The following USP10 variants were observed in gnomAD, a reference collection of about 807,000 sequenced individuals.
The protein encoded by USP10 is ubiquitin carboxyl-terminal hydrolase 10.
USP10 carries 22 observed loss-of-function variants against 84.5 expected under a neutral mutation model. The observed-to-expected ratio is 0.26, with a 90% CI of 0.19 to 0.37. USP10 has a LOEUF of 0.37. USP10 is among the 10% of genes least tolerant of loss of function. USP10 has a pLI of 1.00. For synonymous variants in USP10, 454 were observed against 387.6 expected, an observed-to-expected ratio of 1.17 and a Z score of -2.01; for missense variants, 1,019 against 998.9, an observed-to-expected ratio of 1.02 and a Z score of -0.27.
Position 84,775,318 on chromosome 16 carries a change from C to A in USP10, c.2209+93C>A, listed in dbSNP as rs1448414239. ...GGTTTGCTGCAACTTAGCATAGCGA[C>A]CAGATGCTGTACTCAGGTATCCCTG... On this transcript the variant is annotated intron_variant, in intron 13 of 13. Coordinates refer to ENST00000219473, the MANE Select transcript of USP10 (RefSeq NM_005153.3). 2.9e-5 allele frequency: 37 copies of A among 1,265,492 alleles called. No homozygotes were observed. The East Asian group carries it at 7.7e-4, about 27-fold the overall frequency. The allele number at this position is 1,265,492 out of a possible 1,614,324, so 78.4% of individuals were successfully genotyped here. A position where few individuals can be genotyped will look rare whatever the true frequency, so the allele number is the denominator to read the frequency against.
chr16:84,714,938 T>TTA (rs1906815311), intron 1 of USP10, among the ~76,000 whole-genome samples: 1 of 149,114 alleles, frequency 6.7e-6, no homozygotes, highest in African/African-American at 2.5e-5. Flanking sequence ...TATTATTATT[T>TTA]TTTTTTTTTG....
At chr16:84,713,554 G>A (rs1030471032) in intron 1 of USP10, among the ~76,000 whole-genome samples, 2 of 152,120 alleles carry the variant, frequency 1.3e-5, no homozygotes, top group African/African-American at 4.8e-5. Flanking sequence ...TGAGGGCAGG[G>A]GTTTTTGTTT....
chr16:84,759,992 A>G (rs1358925558), intron 7 of USP10, 46 bp downstream of exon 7: 1 of 1,600,168 alleles, frequency 6.2e-7, no homozygotes, highest in African/African-American at 1.3e-5. Context: ...ATTGGGAGTT[A>G]TGGAGACAGA....
intron 8 of USP10, 113 bp downstream of exon 8, chr16:84,760,388 T>C (rs573146495): frequency 3.0e-5 from 27 of 909,190 alleles, no homozygotes; most frequent in Non-Finnish European, 3.9e-5. Context: ...TATAAGTAGA[T>C]GTAGGTTTAT....
At chr16:84,755,453 C>T (rs1432067686) in intron 4 of USP10, among the ~76,000 whole-genome samples, 1 of 151,624 alleles carries the variant, frequency 6.6e-6, no homozygotes, top group African/African-American at 2.4e-5. Flanking sequence ...TACACGCTGC[C>T]CCCACTCCTA....
Position 84,779,078 on chromosome 16 carries a change from T to C in USP10, c.2393T>C (p.Leu798Pro), listed in dbSNP as rs761128390. 6.2e-7 allele frequency: 1 copy of C among 1,612,988 alleles called. No individual in the cohort carries two copies. Among genetic ancestry groups the C allele is most frequent in the East Asian group, 2.2e-5 (1 of 44,856 alleles). Residue 798 changes from leucine (L) to proline (P), a missense_variant, in exon 14 of 14, where the codon CTG becomes CCG. Transcript: ENST00000219473. ...YLLYYRRVDL[L>P] ...CTGTATTACCGCCGAGTGGACCTGC[T>C]GTAAACCCTGTGTGCGCTGTGTGTG...
chr16:84,758,009 C>G lies in USP10; in HGVS notation c.1193-707C>G, dbSNP rs76778276. On this transcript the variant is annotated intron_variant, in intron 4 of 13. Coordinates refer to ENST00000219473, the MANE Select transcript of USP10 (RefSeq NM_005153.3). ...GACCTTGTCTTGTTTTCAAGCATTT[C>G]TGATGGTTAATTCTATAAAGATGGC... Among the ~76,000 whole-genome samples the G allele has an allele frequency of 4.1e-3, 630 of 152,284 alleles. 3 individuals are homozygous for G. Among genetic ancestry groups the G allele is most frequent in the African/African-American group, 0.015 (604 of 41,548 alleles).
rs758962742 is a variant in USP10 at position 84,768,256 on chromosome 16, G to A, written c.1896G>A (p.Gln632=). 2 of 1,605,076 alleles carry A rather than the reference G, an allele frequency of 1.2e-6. No individual in the cohort carries two copies. Among genetic ancestry groups the A allele is most frequent in the African/African-American group, 2.7e-5 (2 of 74,808 alleles). ...CTTTGCAGCCATTTTTCACGTTGCA[G>A]TTGGATATCCAGTCAGACAAGATAC... ...SATLQPFFTL[Q]LDIQSDKIRT... Residue 632 remains glutamine, a synonymous_variant, in exon 11 of 14, where the codon CAG becomes CAA. Transcript: ENST00000219473.
intron 4 of USP10, among the ~76,000 whole-genome samples, chr16:84,748,153 CAAAAAAAA>C (rs1169089505): frequency 4.5e-4 from 23 of 51,162 alleles, no homozygotes; most frequent in East Asian, 8.1e-4. Flanking sequence ...GACTCCATCT[CAAAAAAAA>C]AAAAAAAAAA....
intron 1 of USP10, among the ~76,000 whole-genome samples, chr16:84,709,704 G>T (rs1906024950): frequency 6.6e-6 from 1 of 152,158 alleles, no homozygotes; most frequent in Non-Finnish European, 1.5e-5. Context: ...GAGTGGGACT[G>T]AATGTTGGGC....
At chr16:84,774,730 A>G (rs569643570) in intron 12 of USP10, among the ~76,000 whole-genome samples, 31 of 152,152 alleles carry the variant, frequency 2.0e-4, no homozygotes, top group African/African-American at 7.5e-4. Context: ...CAGCCTCCCA[A>G]AGTGCTGGGA....
At chr16:84,775,659 G>A (rs1169052635) in intron 13 of USP10, among the ~76,000 whole-genome samples, 2 of 152,192 alleles carry the variant, frequency 1.3e-5, no homozygotes, top group Non-Finnish European at 2.9e-5. Flanking sequence ...TGTTAGGGCT[G>A]CTTGAGAGGG....
intron 4 of USP10, among the ~76,000 whole-genome samples, chr16:84,757,396 G>GGGGTGTGTGTGT (rs1555546425): frequency 3.1e-5 from 4 of 127,366 alleles, no homozygotes; most frequent in African/African-American, 1.3e-4. Flanking sequence ...GAATGAGAGG[G>GGGGTGTGTGTGT]GTGGGGGTGT....
chr16:84,763,218 T>A (rs1341128304), intron 9 of USP10, 130 bp downstream of exon 9: 6 of 518,186 alleles, frequency 1.2e-5, no homozygotes, highest in Non-Finnish European at 2.1e-5. Flanking sequence ...TTCCCTACGA[T>A]AACTTACACC....
At chr16:84,733,039 C>G (rs1446336698) in intron 1 of USP10, 1 of 451,756 alleles carries the variant, frequency 2.2e-6, no homozygotes, top group Non-Finnish European at 4.4e-6. Flanking sequence ...ACCACGTTTT[C>G]TGCTTTTCTT....
At chr16:84,724,888 C>T (rs142741281) in intron 1 of USP10, among the ~76,000 whole-genome samples, 1 of 152,174 alleles carries the variant, frequency 6.6e-6, no homozygotes, top group Non-Finnish European at 1.5e-5. Context: ...CCCACACCAC[C>T]TTCTGAAGTT....
At position 84,764,014 on chromosome 16, in the gene USP10, C is replaced by G. The variant is rs979279424; in HGVS notation, c.1655-72C>G. ...ATTTCATTTTTAAAACTGCAATCGA[C>G]AGATCTGTGCCTTTTTTTTTTTTGC... On this transcript the variant is annotated intron_variant, in intron 9 of 13. Transcript: ENST00000219473. The G allele has an allele frequency of 3.4e-6, 5 of 1,489,942 alleles. No homozygotes were observed. In the African/African-American group the frequency reaches 7.1e-5, roughly 21 times the overall value. 92.3% of individuals were successfully genotyped at this position (1,489,942 alleles called of 1,614,324 possible).
chr16:84,740,298 T>G lies in USP10; in HGVS notation c.91-11T>G. ...GTTGAATTAAAATTTGTTTTCTGAT[T>G]CCTTGTGCAGCTTCCTCCATACAGT... On this transcript the variant is annotated splice_polypyrimidine_tract_variant and intron_variant, in intron 2 of 13. Transcript: ENST00000219473. 6.2e-7 allele frequency: 1 copy of G among 1,604,412 alleles called. No individual in the cohort carries two copies. The highest frequency in any genetic ancestry group is 8.5e-7 in the Non-Finnish European group (1 of 1,175,734).
intron 1 of USP10, among the ~76,000 whole-genome samples, chr16:84,732,260 C>T (rs1324608167): frequency 6.6e-6 from 1 of 152,100 alleles, no homozygotes; most frequent in Admixed American, 6.6e-5. Flanking sequence ...GTAAATTTCC[C>T]TGGAAGCTAC....
Sources: allele counts gnomAD v4.1 joint callset (sites outside exome capture counted in the v4.1 genomes callset), GRCh38; gene constraint gnomAD v4.1.1; transcripts MANE v1.5; gene names NCBI Gene and HGNC (gene_info 2026-07-23, HGNC 2026-07-21).